Variants in ABCA13 observed in about 807,000 individuals in gnomAD.
ABCA13 encodes ATP-binding cassette sub-family A member 13.
In ABCA13, 476 loss-of-function variants were observed where a neutral mutation model predicts 478.7. That is an observed-to-expected ratio of 0.99 (90% CI 0.92 to 1.07). The LOEUF (loss-of-function observed/expected upper bound fraction) is 1.07, where lower values mean the gene tolerates loss of function less well. ABCA13 is among the 50% of genes least tolerant of loss of function. The probability of loss-of-function intolerance (pLI) is 0.00; values close to 1 mark genes in which losing one functional copy is unlikely to be tolerated. For synonymous variants in ABCA13, 2,252 were observed against 2,158.9 expected (o/e 1.04, Z -1.20); for missense variants, 6,060 against 5,910.6 (o/e 1.03, Z -0.83).
At chr7:48,282,410 G>A (rs991011047) in intron 19 of ABCA13, among the ~76,000 whole-genome samples, 1 of 152,152 alleles carries the variant, frequency 6.6e-6, no homozygotes, top group African/African-American at 2.4e-5. Flanking sequence ...CCCCTCAGTG[G>A]GCTACTGGGC....
intron 45 of ABCA13, among the ~76,000 whole-genome samples, chr7:48,479,113 A>G (rs1828475884): frequency 1.3e-5 from 2 of 150,914 alleles, no homozygotes; most frequent in South Asian, 2.1e-4. Flanking sequence ...ACGCCCGGCT[A>G]ATTTTTTTTT....
At chr7:48,464,071 G>A (rs561732098) in intron 43 of ABCA13, among the ~76,000 whole-genome samples, 2 of 152,292 alleles carry the variant, frequency 1.3e-5, no homozygotes, top group Admixed American at 1.3e-4. Context: ...TTATTAGAGA[G>A]AGTGATTCCA....
At chr7:48,409,714 AT>A (rs1213687593) in intron 39 of ABCA13, among the ~76,000 whole-genome samples, 1 of 152,016 alleles carries the variant, frequency 6.6e-6, no homozygotes, top group Middle Eastern at 3.4e-3. Context: ...CAGTGCTATG[AT>A]TTTCTTATTC....
At chr7:48,189,991 ATTATATGC>A (rs1165681041) in intron 1 of ABCA13, among the ~76,000 whole-genome samples, 1 of 152,208 alleles carries the variant, frequency 6.6e-6, no homozygotes, top group Non-Finnish European at 1.5e-5. Flanking sequence ...GCAAGGAATT[ATTATATGC>A]TTAACTTGTG....
At chr7:48,495,489 TA>T (rs1001289962) in intron 48 of ABCA13, among the ~76,000 whole-genome samples, 8 of 151,892 alleles carry the variant, frequency 5.3e-5, no homozygotes, top group Admixed American at 2.0e-4. Flanking sequence ...CATGGGTGAT[TA>T]AAAAAAAGTA....
chr7:48,352,484 A>G lies in ABCA13; in HGVS notation c.10685A>G (p.Asp3562Gly). ...GCCCCTTACCCCTGCCATACCAGCGACCTGTGAGTAGCCTGGGGCAGGAGC... is the reference window on the plus strand; with the variant it reads ...GCCCCTTACCCCTGCCATACCAGCGGCCTGTGAGTAGCCTGGGGCAGGAGC... ...QAAPYPCHTS[D>G]LFLNNVGFFF... The change falls in exon 31 of 62, where the codon GAC (aspartate) becomes GGC (glycine). Residue 3562 changes from aspartate to glycine, a missense_variant. Physicochemically the swap from Asp to Gly is moderately conservative, Grantham distance 94. This residue lies in a region of ABCA13 where 4,423 missense variants were observed against 4,309.1 expected (regional missense o/e 1.03). Coordinates refer to ENST00000435803, the MANE Select transcript of ABCA13 (RefSeq NM_152701.5). The G allele has an allele frequency of 6.3e-7, 1 of 1,598,358 alleles. No individual in the cohort carries two copies. The highest frequency in any genetic ancestry group is 1.3e-5 in the African/African-American group (1 of 74,406).
chr7:48,546,618 T>G (rs2131163515), intron 55 of ABCA13, among the ~76,000 whole-genome samples: 1 of 151,894 alleles, frequency 6.6e-6, no homozygotes, highest in East Asian at 1.9e-4. Flanking sequence ...TTGAGTTTGC[T>G]CCATTTTAAT....
chr7:48,429,237 A>G (rs1821820976), intron 42 of ABCA13, among the ~76,000 whole-genome samples: 1 of 152,212 alleles, frequency 6.6e-6, no homozygotes, highest in African/African-American at 2.4e-5. Context: ...TTGCAAATAT[A>G]CTATTATGAA....
chr7:48,429,711 G>A (rs1388259311), intron 42 of ABCA13, among the ~76,000 whole-genome samples: 3 of 152,192 alleles, frequency 2.0e-5, no homozygotes, highest in South Asian at 2.1e-4. Flanking sequence ...CATAAATGCC[G>A]TTTATGAAGT....
chr7:48,371,600 G>A (rs1812644323), intron 32 of ABCA13, among the ~76,000 whole-genome samples: 1 of 151,994 alleles, frequency 6.6e-6, no homozygotes, highest in Non-Finnish European at 1.5e-5. Flanking sequence ...GTTTCCTGTT[G>A]GTGTATAGGA....
intron 35 of ABCA13, 30 bp downstream of exon 35, chr7:48,376,602 CA>C (rs753829491): frequency 6.2e-7 from 1 of 1,605,424 alleles, no homozygotes. Context: ...TAAGATAACA[CA>C]ATAAATTTTA....
chr7:48,318,976 A>C (rs999171102), intron 27 of ABCA13, among the ~76,000 whole-genome samples: 1 of 152,214 alleles, frequency 6.6e-6, no homozygotes, highest in Non-Finnish European at 1.5e-5. Context: ...ATTGTGGGGA[A>C]GAGAAGGCAA....
intron 55 of ABCA13, among the ~76,000 whole-genome samples, chr7:48,558,652 A>G (rs1786120400): frequency 6.6e-6 from 1 of 151,942 alleles, no homozygotes; most frequent in Non-Finnish European, 1.5e-5. Flanking sequence ...GATTTTTTCA[A>G]TCTCTTTATT....
intron 38 of ABCA13, among the ~76,000 whole-genome samples, chr7:48,402,030 G>A (rs925611194): frequency 2.0e-5 from 3 of 152,132 alleles, no homozygotes; most frequent in Non-Finnish European, 4.4e-5. Flanking sequence ...TTCTGTGAAG[G>A]ACTGCACAGG....
chr7:48,510,669 G>T (rs981502263), intron 50 of ABCA13, among the ~76,000 whole-genome samples: 3 of 152,150 alleles, frequency 2.0e-5, no homozygotes, highest in South Asian at 2.1e-4. Flanking sequence ...TGTTGGCAGG[G>T]TTGATTCCTT....
intron 15 of ABCA13, among the ~76,000 whole-genome samples, chr7:48,263,651 G>A (rs17132180): frequency 0.03 from 4,490 of 151,064 alleles, 232 homozygotes; most frequent in African/African-American, 0.1. Context: ...TCACCGAAAT[G>A]AGTGTCAAAA....
chr7:48,198,745 G>A (rs1997124), intron 3 of ABCA13, among the ~76,000 whole-genome samples: 112,867 of 152,176 alleles, frequency 0.74, 42,307 homozygotes, highest in Non-Finnish European at 0.8. Context: ...CTCCTGTGCT[G>A]CTAGTTGACT....
chr7:48,447,987 G>T (rs1348329413), intron 42 of ABCA13, among the ~76,000 whole-genome samples: 2 of 151,980 alleles, frequency 1.3e-5, no homozygotes, highest in Non-Finnish European at 2.9e-5. Flanking sequence ...TATATTTATT[G>T]ACCCTCACTT....
At chr7:48,205,577 C>T (rs1164222737) in intron 3 of ABCA13, among the ~76,000 whole-genome samples, 1 of 152,156 alleles carries the variant, frequency 6.6e-6, no homozygotes, top group African/African-American at 2.4e-5. Context: ...AGTCTTTGTT[C>T]TTCCATGTAA....
Sources: allele counts gnomAD v4.1 joint callset (sites outside exome capture counted in the v4.1 genomes callset), GRCh38; gene constraint gnomAD v4.1.1; regional missense constraint gnomAD v4.1.1; transcripts MANE v1.5; gene names NCBI Gene and HGNC (gene_info 2026-07-23, HGNC 2026-07-21).